SOX6: variants seen among roughly 807,000 people sequenced by gnomAD.
SOX6 encodes the protein transcription factor SOX-6.
SOX6 carries 11 observed loss-of-function variants against 97.8 expected under a neutral mutation model. The ratio of observed to expected loss-of-function variants is 0.11; its 90% confidence interval spans 0.07 to 0.19. The LOEUF (loss-of-function observed/expected upper bound fraction) is 0.19. Ranked by LOEUF, SOX6 falls within the 10% of genes least tolerant of loss-of-function variation. The probability of loss-of-function intolerance (pLI) is 1.00; values close to 1 mark genes in which losing one functional copy is unlikely to be tolerated. For missense variants in SOX6, 810 were observed against 1,039.5 expected (o/e 0.78, Z 3.04); for synonymous variants, 360 against 371.4 (o/e 0.97, Z 0.35).
chr11:16,731,445 G>A (rs1166705638), intron 2 of SOX6, among the ~76,000 whole-genome samples: 3 of 152,138 alleles, frequency 2.0e-5, no homozygotes, highest in East Asian at 1.9e-4. Context: ...TTCAACATAC[G>A]CAAATCAATA....
At chr11:16,050,826 T>C in intron 10 of SOX6, among the ~76,000 whole-genome samples, 1 of 152,294 alleles carries the variant, frequency 6.6e-6, no homozygotes, top group East Asian at 1.9e-4. Context: ...TTAGTTATAA[T>C]ATGACCATAT....
intron 1 of SOX6, among the ~76,000 whole-genome samples, chr11:16,474,024 A>AACTT (rs1214892416): frequency 6.6e-6 from 1 of 152,172 alleles, no homozygotes; most frequent in Non-Finnish European, 1.5e-5. Flanking sequence ...ATCTTTCACC[A>AACTT]GGGTAGTTTC....
intron 3 of SOX6, chr11:16,283,948 G>A (rs765533998): frequency 2.9e-5 from 12 of 414,818 alleles, no homozygotes; most frequent in South Asian, 2.1e-4. Context: ...ACCAAATTCA[G>A]AGTATAATTA....
At chr11:16,497,808 G>A (rs1044917940) in intron 4 of SOX6, among the ~76,000 whole-genome samples, 23 of 152,334 alleles carry the variant, frequency 1.5e-4, no homozygotes, top group Non-Finnish European at 2.8e-4. Flanking sequence ...CAAGAAATAT[G>A]GGACTATGTG....
At chr11:16,188,613 AATG>A (rs1374283627) in intron 4 of SOX6, among the ~76,000 whole-genome samples, 1 of 152,196 alleles carries the variant, frequency 6.6e-6, no homozygotes, top group Non-Finnish European at 1.5e-5. Flanking sequence ...ACAACACAAG[AATG>A]ATATTTTTTA....
At position 16,291,717 on chromosome 11, in the gene SOX6, C is replaced by T. The variant is rs140649484; in HGVS notation, c.445+26729G>A. ...AAATAATGCTATTGTGAGGCATGTG[C>T]GTACACATTTTAAATGACTTCAAAA... On this transcript the variant is annotated intron_variant, in intron 3 of 15. Coordinates refer to ENST00000683767, the MANE Select transcript of SOX6 (RefSeq NM_001367873.1). Among the ~76,000 whole-genome samples the T allele has an allele frequency of 2.7e-3, 408 of 152,036 alleles. 3 individuals are homozygous for T. The highest frequency in any genetic ancestry group is 9.3e-3 in the African/African-American group (385 of 41,464).
intron 3 of SOX6, among the ~76,000 whole-genome samples, chr11:16,635,267 G>C (rs756898616): frequency 6.4e-4 from 98 of 152,314 alleles, no homozygotes; most frequent in Non-Finnish European, 8.8e-5. Flanking sequence ...GGTTCCTAGA[G>C]ACTTGTTGAA....
chr11:16,093,609 G>C (rs1017443264), intron 9 of SOX6, among the ~76,000 whole-genome samples: 3 of 151,730 alleles, frequency 2.0e-5, no homozygotes, highest in African/African-American at 7.3e-5. Context: ...TGGGGTGGGG[G>C]AGTATATGTG....
At chr11:16,464,695 A>AG (rs879907701) in intron 1 of SOX6, among the ~76,000 whole-genome samples, 2 of 152,174 alleles carry the variant, frequency 1.3e-5, no homozygotes, top group Non-Finnish European at 2.9e-5. Flanking sequence ...AACTTTCTAA[A>AG]GGTCTCCAAT....
intron 6 of SOX6, among the ~76,000 whole-genome samples, chr11:16,149,695 A>G (rs1850409558): frequency 1.3e-5 from 2 of 152,206 alleles, no homozygotes. Flanking sequence ...TAAGGATTTT[A>G]AAACTCATCA....
intron 1 of SOX6, among the ~76,000 whole-genome samples, chr11:16,369,023 G>A (rs889409206): frequency 2.0e-5 from 3 of 151,964 alleles, no homozygotes; most frequent in Non-Finnish European, 2.9e-5. Context: ...ATAGCTTGAG[G>A]AATTCAAGAC....
At chr11:16,408,922 A>G (rs1284910803) in intron 1 of SOX6, 3 of 152,228 alleles carry the variant, frequency 2.0e-5, no homozygotes, top group African/African-American at 7.2e-5. Flanking sequence ...AAATGGCTCA[A>G]TGTAACCAAT....
chr11:15,982,763 G>T (rs914027375), intron 15 of SOX6, among the ~76,000 whole-genome samples: 2 of 151,826 alleles, frequency 1.3e-5, no homozygotes, highest in African/African-American at 4.8e-5. Context: ...ACATTTTCTC[G>T]AATTTTTTTA....
chr11:16,447,475 G>C (rs1414873100), intron 1 of SOX6, among the ~76,000 whole-genome samples: 4 of 110,888 alleles, frequency 3.6e-5, no homozygotes, highest in South Asian at 2.9e-4. Flanking sequence ...TTCTTTCTTT[G>C]TCTCTCTCTC....
chr11:16,354,206 T>G (rs1393005883), intron 1 of SOX6, among the ~76,000 whole-genome samples: 1 of 152,018 alleles, frequency 6.6e-6, no homozygotes, highest in African/African-American at 2.4e-5. Flanking sequence ...CTTGAAAAGT[T>G]GTTGTGAAGA....
intron 1 of SOX6, among the ~76,000 whole-genome samples, chr11:16,342,585 C>T (rs954774444): frequency 6.6e-6 from 1 of 151,842 alleles, no homozygotes; most frequent in Non-Finnish European, 1.5e-5. Context: ...ACAAATCTGT[C>T]ACACGCTTTC....
intron 12 of SOX6, among the ~76,000 whole-genome samples, chr11:16,030,085 A>T (rs1171548297): frequency 6.6e-6 from 1 of 152,200 alleles, no homozygotes; most frequent in Non-Finnish European, 1.5e-5. Context: ...CGGGATCTGA[A>T]TATTAAAATG....
At chr11:16,701,202 A>G (rs931293723) in intron 3 of SOX6, among the ~76,000 whole-genome samples, 1 of 152,242 alleles carries the variant, frequency 6.6e-6, no homozygotes, top group Admixed American at 6.5e-5. Flanking sequence ...TTTATAGTGT[A>G]GACATAAAAA....
intron 6 of SOX6, among the ~76,000 whole-genome samples, chr11:16,142,028 G>C (rs1850157203): frequency 6.6e-6 from 1 of 152,142 alleles, no homozygotes; most frequent in Non-Finnish European, 1.5e-5. Context: ...CATGGAGTTT[G>C]AGATCTGACA....
Sources: gnomAD v4.1 joint callset for allele counts (sites outside exome capture counted in the v4.1 genomes callset) on GRCh38, gnomAD v4.1.1 for gene constraint, MANE v1.5 for transcripts, NCBI Gene and HGNC (gene_info 2026-07-23, HGNC 2026-07-21) for gene names.